The following FLVCR2 variants were observed in gnomAD, a reference collection of about 807,000 sequenced individuals.
The protein encoded by FLVCR2 is choline/ethanolamine transporter FLVCR2.
In FLVCR2, 38 loss-of-function variants were observed where a neutral mutation model predicts 48.9. The observed-to-expected ratio is 0.78, with a 90% confidence interval of 0.60 to 1.02. The LOEUF (loss-of-function observed/expected upper bound fraction) is 1.02, where lower values mean the gene tolerates loss of function less well. Among genes scored for constraint, FLVCR2 ranks in the 50% least tolerant of loss-of-function variants. FLVCR2 has a pLI of 0.00. For synonymous variants in FLVCR2, 255 were observed against 257.0 expected (o/e 0.99, Z 0.07); for missense variants, 664 against 663.3 (o/e 1.00, Z -0.01).
In FLVCR2 at chr14:75,641,325, C is replaced by T. The variant is rs767363788; in HGVS notation, c.1453+32C>T. On this transcript the variant is annotated intron_variant, in intron 8 of 9. Coordinates refer to ENST00000238667, the MANE Select transcript of FLVCR2 (RefSeq NM_017791.3). ...TGGAGCCTGAGGGCAAGATGAGGCT[C>T]AGGTTGGCCATTTGGGACCCTAGTG... 50 of 1,514,674 alleles carry T rather than the reference C, an allele frequency of 3.3e-5. 1 individual carries two copies. The Middle Eastern group carries it at 6.9e-4, about 21-fold the overall frequency. The allele number at this position is 1,514,674 out of a possible 1,614,324, so 93.8% of individuals were successfully genotyped here.
chr14:75,614,996 G>A (rs183922476), intron 1 of FLVCR2, among the ~76,000 whole-genome samples: 59 of 152,292 alleles, frequency 3.9e-4, no homozygotes, highest in Non-Finnish European at 5.7e-4. Context: ...ATTACAATTC[G>A]AGATGAGATT....
intron 1 of FLVCR2, among the ~76,000 whole-genome samples, chr14:75,590,676 G>A (rs1389404472): frequency 6.6e-6 from 1 of 152,092 alleles, no homozygotes; most frequent in African/African-American, 2.4e-5. Context: ...AAGAGTACAG[G>A]ACATCCTCCC....
chr14:75,641,261 G>T lies in FLVCR2; in HGVS notation c.1421G>T (p.Cys474Phe), dbSNP rs1457680057. ...ACCAAGCCTGGGAACATCTTCCTGT[G>T]TGTGTTCCTTACTCTTGGAGCAGCC... is the stretch of plus-strand genomic sequence containing the variant. ...YGTKPGNIFLCVFLTLGAALT... is the reference protein window; with the variant it reads ...YGTKPGNIFLFVFLTLGAALT... The change falls in exon 8 of 10, where the codon TGT becomes TTT. Residue 474 changes from cysteine to phenylalanine, a missense_variant. Coordinates refer to ENST00000238667, the MANE Select transcript of FLVCR2 (RefSeq NM_017791.3). 2.5e-6 allele frequency: 4 copies of T among 1,613,892 alleles called. No individual in the cohort carries two copies. The highest frequency in any genetic ancestry group is 1.1e-5 in the South Asian group (1 of 91,062).
At chr14:75,584,279 C>G (rs1257323797) in intron 1 of FLVCR2, among the ~76,000 whole-genome samples, 1 of 152,232 alleles carries the variant, frequency 6.6e-6, no homozygotes, top group African/African-American at 2.4e-5. Context: ...GTGTTACTGT[C>G]TGGCTACCTC....
At chr14:75,596,307 A>C (rs1889020258) in intron 1 of FLVCR2, 1 of 466,250 alleles carries the variant, frequency 2.1e-6, no homozygotes, top group Admixed American at 3.4e-5. Flanking sequence ...GGCTGGGAGC[A>C]GAAAACAAGG....
intron 2 of FLVCR2, among the ~76,000 whole-genome samples, chr14:75,623,802 G>A (rs2140039016): frequency 6.6e-6 from 1 of 152,284 alleles, no homozygotes. Flanking sequence ...TGTAATCCCA[G>A]CACTTTGGGA....
In FLVCR2 at chr14:75,579,503, T is replaced by C. The variant is rs1566779663; in HGVS notation, c.531T>C (p.Phe177=). ...TGGGCAGCCTGAAGCCGCATCTCTT[T>C]CCGGTCACCGTGGTGGGCCAGCTCA... ...VKLGSLKPHL[F]PVTVVGQLIC... is the part of the protein sequence containing the mutation. The change falls in exon 1 of 10, where the codon TTT becomes TTC. Residue 177 remains phenylalanine (F), a synonymous_variant. Transcript: ENST00000238667. 1 of 1,612,904 alleles carries C rather than the reference T, an allele frequency of 6.2e-7. No homozygotes were observed. Among genetic ancestry groups the C allele is most frequent in the East Asian group, 2.2e-5 (1 of 44,864 alleles).
chr14:75,582,505 G>A (rs565484732), intron 1 of FLVCR2, among the ~76,000 whole-genome samples: 1 of 152,294 alleles, frequency 6.6e-6, no homozygotes, highest in East Asian at 1.9e-4. Flanking sequence ...TTGTGATTTT[G>A]AGGGCCTCTA....
intron 4 of FLVCR2, 58 bp from the exon 5 acceptor site, chr14:75,634,852 G>A (rs1890126308): frequency 8.8e-7 from 1 of 1,141,904 alleles, no homozygotes; most frequent in African/African-American, 1.5e-5. Flanking sequence ...TGGTGACTGT[G>A]CTCTGTCCTG....
At chr14:75,598,216 C>G (rs1468703852) in intron 1 of FLVCR2, among the ~76,000 whole-genome samples, 1 of 152,090 alleles carries the variant, frequency 6.6e-6, no homozygotes, top group Non-Finnish European at 1.5e-5. Context: ...GCCACTCACC[C>G]TTCAGATTGA....
intron 1 of FLVCR2, among the ~76,000 whole-genome samples, chr14:75,585,715 T>C (rs55829703): frequency 0.015 from 2,275 of 152,020 alleles, 39 homozygotes; most frequent in Admixed American, 0.037. Context: ...CAGGCAGGCG[T>C]CCCCGCAATG....
chr14:75,640,484 C>T (rs1307894176), intron 6 of FLVCR2, among the ~76,000 whole-genome samples: 1 of 152,030 alleles, frequency 6.6e-6, no homozygotes, highest in Admixed American at 6.6e-5. Flanking sequence ...TGTGCTGGCA[C>T]TCAGTCCTCA....
chr14:75,639,954 G>T (rs1594816306), intron 6 of FLVCR2, among the ~76,000 whole-genome samples: 1 of 152,306 alleles, frequency 6.6e-6, no homozygotes, highest in East Asian at 1.9e-4. Flanking sequence ...AAGAAGCATT[G>T]TGAAAATGTA....
At chr14:75,636,320 A>G (rs749054741) in intron 5 of FLVCR2, among the ~76,000 whole-genome samples, 1 of 151,982 alleles carries the variant, frequency 6.6e-6, no homozygotes, top group Non-Finnish European at 1.5e-5. Flanking sequence ...GGAGGTGGCG[A>G]CGAGGAGCCT....
chr14:75,634,913 G>A lies in FLVCR2; in HGVS notation c.1024G>A (p.Glu342Lys). 3 of 1,611,230 alleles carry A rather than the reference G, an allele frequency of 1.9e-6. No individual in the cohort carries two copies. The highest frequency in any genetic ancestry group is 1.3e-5 in the African/African-American group (1 of 75,016). Residue 342 changes from glutamate (E) to lysine (K), a missense_variant, in exon 5 of 10, where the codon GAA (glutamate) becomes AAA (lysine). Glu to Lys is a moderately conservative substitution (Grantham distance 56, BLOSUM62 1). Coordinates refer to ENST00000238667, the MANE Select transcript of FLVCR2 (RefSeq NM_017791.3). ...TTTGGGGTTATGGTTTCCCCAGGGG[G>A]AAGAAGTGAATGCTGGAAGAATTGG... is the stretch of plus-strand genomic sequence containing the variant. ...NRMVIWHYPG[E>K]EVNAGRIGLT...
At chr14:75,624,544 A>T in intron 2 of FLVCR2, 68 bp from the exon 3 acceptor site, 1 of 1,582,388 alleles carries the variant, frequency 6.3e-7, no homozygotes, top group Admixed American at 1.7e-5. Flanking sequence ...GCTTTCATTC[A>T]TGTGGAACCA....
At position 75,634,925 on chromosome 14, in the gene FLVCR2, G is replaced by C; in HGVS notation, c.1036G>C (p.Ala346Pro). The C allele has an allele frequency of 1.2e-6, 2 of 1,613,576 alleles. No homozygotes were observed. Among genetic ancestry groups the C allele is most frequent in the Non-Finnish European group, 1.7e-6 (2 of 1,179,526 alleles). Residue 346 changes from alanine to proline, a missense_variant, in exon 5 of 10, where the codon GCT (alanine) becomes CCT (proline). By Grantham distance (27) the Ala-to-Pro change is conservative (BLOSUM62 -1). Coordinates refer to ENST00000238667, the MANE Select transcript of FLVCR2 (RefSeq NM_017791.3). ...GTTTCCCCAGGGGGAAGAAGTGAATGCTGGAAGAATTGGCCTGACGATCGT... is the reference window on the plus strand; with the variant it reads ...GTTTCCCCAGGGGGAAGAAGTGAATCCTGGAAGAATTGGCCTGACGATCGT... Reference protein sequence around the residue: ...IWHYPGEEVNAGRIGLTIVIA... With the variant: ...IWHYPGEEVNPGRIGLTIVIA...
chr14:75,583,737 A>T (rs1888669050), intron 1 of FLVCR2, among the ~76,000 whole-genome samples: 1 of 152,174 alleles, frequency 6.6e-6, no homozygotes, highest in South Asian at 2.1e-4. Context: ...GGGGAGTTTT[A>T]AGAGGTTTAG....
At chr14:75,599,413 C>G (rs1474836062) in intron 1 of FLVCR2, among the ~76,000 whole-genome samples, 1 of 150,864 alleles carries the variant, frequency 6.6e-6, no homozygotes, top group African/African-American at 2.4e-5. Context: ...ATGTAAAAGT[C>G]AAGTATATTG....
Sources: allele counts gnomAD v4.1 joint callset (sites outside exome capture counted in the v4.1 genomes callset), GRCh38; gene constraint gnomAD v4.1.1; transcripts MANE v1.5; gene names NCBI Gene and HGNC (gene_info 2026-07-23, HGNC 2026-07-21).